Variants in MYBL2 observed in about 807,000 individuals in gnomAD.
MYBL2 encodes MYB proto-oncogene like 2.
A neutral mutation model predicts 79.9 loss-of-function variants in MYBL2; 28 were observed. That is an observed-to-expected ratio of 0.35 (90% CI 0.26 to 0.48). The LOEUF (loss-of-function observed/expected upper bound fraction) is 0.48, where lower values mean the gene tolerates loss of function less well. Ranked by LOEUF, MYBL2 falls within the 20% of genes least tolerant of loss-of-function variation. MYBL2 has a pLI of 0.99. For missense variants in MYBL2, 735 were observed against 893.9 expected (o/e 0.82, Z 2.27); for synonymous variants, 378 against 361.2 (o/e 1.05, Z -0.53).
intron 6 of MYBL2, among the ~76,000 whole-genome samples, chr20:43,695,066 T>TG (rs1053173342): frequency 7.9e-5 from 12 of 151,682 alleles, no homozygotes; most frequent in African/African-American, 2.7e-4. Flanking sequence ...GACAGAGTCT[T>TG]GCTCTTGCCC....
rs374292449 is a variant in MYBL2, at chr20:43,689,583, C to A, written c.500+2511C>A. On this transcript the variant is annotated intron_variant, in intron 5 of 13. Transcript: ENST00000217026. The stretch of plus-strand genomic sequence containing the variant: ...TAATGTGTTCTCATCCTTCAGTTCT[C>A]AGTGGGGGTGCTATTTCTTCAGAGA... Among the ~76,000 whole-genome samples, 19 of 152,214 alleles carry A rather than the reference C, an allele frequency of 1.2e-4. 2 individuals are homozygous for A. The highest frequency in any genetic ancestry group is 9.2e-4 in the Admixed American group (14 of 15,276).
intron 4 of MYBL2, among the ~76,000 whole-genome samples, chr20:43,685,078 C>A (rs1381589002): frequency 6.8e-6 from 1 of 146,430 alleles, no homozygotes. Context: ...AGTGGGGAGG[C>A]GGAGGTTGCA....
intron 9 of MYBL2, 48 bp from the exon 10 acceptor site, chr20:43,709,915 C>G (rs772444982): frequency 6.9e-7 from 1 of 1,457,320 alleles, no homozygotes; most frequent in South Asian, 1.3e-5. Flanking sequence ...GAGTGCCTGG[C>G]GTCGGCCCCT....
At chr20:43,713,590 T>C (rs2145737113) in intron 12 of MYBL2, among the ~76,000 whole-genome samples, 2 of 152,182 alleles carry the variant, frequency 1.3e-5, no homozygotes, top group Middle Eastern at 3.4e-3. Flanking sequence ...TTTCTCCATG[T>C]TGGTCAGGCT....
Position 43,711,511 on chromosome 20 carries a change from G to C in MYBL2, c.1629G>C (p.Glu543Asp), listed in dbSNP as rs1987905120. The C allele has an allele frequency of 6.2e-7, 1 of 1,613,426 alleles. No homozygotes were observed. Among genetic ancestry groups the C allele is most frequent in the African/African-American group, 1.3e-5 (1 of 74,930 alleles). The change falls in exon 11 of 14, where the codon GAG becomes GAC. Residue 543 changes from glutamate to aspartate, a missense_variant. Glu to Asp is a conservative substitution (Grantham distance 45, BLOSUM62 2). Around this residue, in one of 5 missense-constraint regions of MYBL2, gnomAD observed 243 missense variants for 327.2 expected, o/e 0.74. Transcript: ENST00000217026. ...KPLPQTPHLE[E>D]DLKEVLRSEA... ...AGCCACAGACCCCGCACCTGGAGGA[G>C]GACTTGAAGGAGGTGCTGCGTTCTG...
In MYBL2 at chr20:43,692,237, A is replaced by G; in HGVS notation, c.581A>G (p.Lys194Arg). 6.2e-7 allele frequency: 1 copy of G among 1,614,156 alleles called. No individual in the cohort carries two copies. The highest frequency in any genetic ancestry group is 2.2e-5 in the East Asian group (1 of 44,872). Residue 194 changes from lysine (K) to arginine (R), a missense_variant, in exon 6 of 14, where the codon AAA becomes AGA. This residue lies in a region of MYBL2 where 144 missense variants were observed against 131.9 expected (regional missense o/e 1.09). Coordinates refer to ENST00000217026, the MANE Select transcript of MYBL2 (RefSeq NM_002466.4). The part of the protein sequence containing the change: ...VDTGGFLSES[K>R]DCKPPVYLLL... ...ACAGGAGGCTTCTTGAGCGAGTCCA[A>G]AGACTGCAAGCCCCCAGTGTACTTG...
intron 9 of MYBL2, 144 bp downstream of exon 9, chr20:43,705,502 C>G: frequency 1.0e-6 from 1 of 954,170 alleles, no homozygotes; most frequent in Non-Finnish European, 1.4e-6. Flanking sequence ...CCTCTCCTTT[C>G]TGGCCACCAC....
At chr20:43,693,972 T>C (rs1987473652) in intron 6 of MYBL2, among the ~76,000 whole-genome samples, 1 of 151,998 alleles carries the variant, frequency 6.6e-6, no homozygotes. Context: ...TATTTGAGCC[T>C]GGGAGGTGGA....
intron 6 of MYBL2, among the ~76,000 whole-genome samples, chr20:43,696,243 C>CTT (rs111933419): frequency 1.0e-4 from 15 of 144,844 alleles, no homozygotes; most frequent in Non-Finnish European, 1.8e-4. Flanking sequence ...CTCATCTCAA[C>CTT]TTTTTTTTTT....
At chr20:43,714,956 A>C (rs948905289) in intron 12 of MYBL2, among the ~76,000 whole-genome samples, 178 bp from the exon 13 acceptor site, 4 of 152,196 alleles carry the variant, frequency 2.6e-5, no homozygotes, top group African/African-American at 9.7e-5. Context: ...AGTATAAAGT[A>C]AGCTTAAGCT....
At chr20:43,701,129 C>T (rs1987667047) in intron 7 of MYBL2, among the ~76,000 whole-genome samples, 1 of 152,210 alleles carries the variant, frequency 6.6e-6, no homozygotes, top group Admixed American at 6.5e-5. Context: ...AGCCGGTGAC[C>T]TCCAGGAACA....
At chr20:43,696,183 C>G (rs1987536030) in intron 6 of MYBL2, among the ~76,000 whole-genome samples, 1 of 151,940 alleles carries the variant, frequency 6.6e-6, no homozygotes, top group African/African-American at 2.4e-5. Flanking sequence ...GTGATCATTG[C>G]AAAAACTTAA....
Position 43,715,196 on chromosome 20 carries a change from C to G in MYBL2, c.1887C>G (p.Ser629Arg). The G allele has an allele frequency of 6.2e-7, 1 of 1,614,266 alleles. No homozygotes were observed. The highest frequency in any genetic ancestry group is 8.5e-7 in the Non-Finnish European group (1 of 1,180,060). ...TGTCAGGTATCAAAGAAGACAACAGCTTGCTCAACCAGGGCTTCTTGCAGG... is the reference window on the plus strand; with the variant it reads ...TGTCAGGTATCAAAGAAGACAACAGGTTGCTCAACCAGGGCTTCTTGCAGG... ...LTLSGIKEDN[S>R]LLNQGFLQAK... Residue 629 changes from serine (S) to arginine (R), a missense_variant, in exon 13 of 14, where the codon AGC becomes AGG. Ser to Arg is a moderately radical substitution (Grantham distance 110). Around this residue, in one of 5 missense-constraint regions of MYBL2, gnomAD observed 204 missense variants for 202.9 expected, o/e 1.01. Coordinates refer to ENST00000217026, the MANE Select transcript of MYBL2 (RefSeq NM_002466.4).
chr20:43,672,041 C>T (rs1986872654), intron 1 of MYBL2, among the ~76,000 whole-genome samples: 1 of 151,200 alleles, frequency 6.6e-6, no homozygotes, highest in Admixed American at 6.6e-5. Context: ...AACCCTGTAT[C>T]TGCTAAAAAT....
At chr20:43,698,473 G>A (rs1987607552) in intron 6 of MYBL2, among the ~76,000 whole-genome samples, 1 of 138,764 alleles carries the variant, frequency 7.2e-6, no homozygotes, top group African/African-American at 2.7e-5. Flanking sequence ...CATCTTCCGG[G>A]TTCACACCAT....
In MYBL2 at chr20:43,667,916, C is replaced by G. The variant is rs562499286; in HGVS notation, c.20+613C>G. On this transcript the variant is annotated intron_variant, in intron 1 of 13. Transcript: ENST00000217026. Reference sequence around the variant, plus strand: ...CGGTTTGAGACCTCTCTTCCTGTTCCCACGAGGAGTTTTGGGCAGCTGGGG... The same window carrying G: ...CGGTTTGAGACCTCTCTTCCTGTTCGCACGAGGAGTTTTGGGCAGCTGGGG... Among the ~76,000 whole-genome samples the G allele has an allele frequency of 1.6e-3, 237 of 152,252 alleles. 1 individual carries two copies. The highest frequency in any genetic ancestry group is 5.5e-3 in the African/African-American group (228 of 41,538).
chr20:43,698,843 C>G (rs1250947636), intron 6 of MYBL2, among the ~76,000 whole-genome samples: 19 of 113,606 alleles, frequency 1.7e-4, no homozygotes, highest in African/African-American at 5.9e-4. Flanking sequence ...CCCCTCCCCC[C>G]TCCCTTTTTT....
intron 4 of MYBL2, among the ~76,000 whole-genome samples, chr20:43,686,633 C>G (rs1987279942): frequency 6.6e-6 from 1 of 152,110 alleles, no homozygotes; most frequent in African/African-American, 2.4e-5. Flanking sequence ...TTATTCCAGG[C>G]AATAAATGAG....
At chr20:43,683,551 A>T (rs442615) in intron 4 of MYBL2, among the ~76,000 whole-genome samples, 4,540 of 137,748 alleles carry the variant, frequency 0.033, 344 homozygotes, top group African/African-American at 0.064. Context: ...GGAACTAGGC[A>T]TTTTTTTTTT....
Sources: allele counts gnomAD v4.1 joint callset (sites outside exome capture counted in the v4.1 genomes callset), GRCh38; gene constraint gnomAD v4.1.1; regional missense constraint gnomAD v4.1.1; transcripts MANE v1.5; gene names NCBI Gene and HGNC (gene_info 2026-07-23, HGNC 2026-07-21).